The following BMPR2 variants were observed in gnomAD, a reference collection of about 807,000 sequenced individuals.
The protein encoded by BMPR2 is bone morphogenetic protein receptor type 2.
Under a neutral mutation model 100.8 loss-of-function variants are expected in BMPR2, and 29 were observed. That is an observed-to-expected ratio of 0.29 (90% CI 0.21 to 0.39). The LOEUF is 0.39. Ranked by LOEUF, BMPR2 falls within the 10% of genes least tolerant of loss-of-function variation. The pLI, the probability that BMPR2 is intolerant of heterozygous loss-of-function variation, is 1.00. For missense variants in BMPR2, 1,011 were observed against 1,274.5 expected (o/e 0.79, Z 3.15); for synonymous variants, 382 against 442.3 (o/e 0.86, Z 1.71).
intron 10 of BMPR2, 53 bp downstream of exon 10, chr2:202,542,500 A>G: frequency 1.3e-6 from 2 of 1,596,444 alleles, no homozygotes; most frequent in Non-Finnish European, 1.7e-6. Context: ...ATATGTTTTA[A>G]TGTTGTTTGA....
chr2:202,419,871 A>G (rs72925065), intron 1 of BMPR2, among the ~76,000 whole-genome samples: 24,669 of 152,182 alleles, frequency 0.16, 2,396 homozygotes, highest in Middle Eastern at 0.24. Flanking sequence ...CAAGGGGGCC[A>G]GACACAGCGA....
intron 1 of BMPR2, among the ~76,000 whole-genome samples, chr2:202,413,333 T>G (rs576145648): frequency 6.6e-6 from 1 of 152,328 alleles, no homozygotes; most frequent in African/African-American, 2.4e-5. Context: ...TTAGATAATC[T>G]TCAGTCAGTC....
intron 1 of BMPR2, among the ~76,000 whole-genome samples, chr2:202,456,766 C>T (rs921697284): frequency 5.3e-5 from 8 of 152,114 alleles, no homozygotes; most frequent in Non-Finnish European, 1.5e-5. Context: ...TCACCAGCCT[C>T]GGCCTCCTAA....
Position 202,442,014 on chromosome 2 carries a change from C to G in BMPR2, c.77-22795C>G, listed in dbSNP as rs796924348. On this transcript the variant is annotated intron_variant, in intron 1 of 12. Transcript: ENST00000374580. ...CGCCATTGCACTCCAGCCTGGGGGA[C>G]AAGAGCGAGACTTTGTCTCTCAAAA... Among the ~76,000 whole-genome samples, 37 of 147,810 alleles carry G rather than the reference C, an allele frequency of 2.5e-4. 3 individuals are homozygous for G. The highest frequency in any genetic ancestry group is 9.6e-4 in the African/African-American group (37 of 38,514).
intron 3 of BMPR2, among the ~76,000 whole-genome samples, chr2:202,480,190 T>C (rs773057147): frequency 2.6e-5 from 4 of 152,150 alleles, no homozygotes; most frequent in Non-Finnish European, 4.4e-5. Flanking sequence ...TGGAGTGCAG[T>C]GGTGCGATGT....
At chr2:202,394,801 G>A (rs1690626046) in intron 1 of BMPR2, among the ~76,000 whole-genome samples, 1 of 151,946 alleles carries the variant, frequency 6.6e-6, no homozygotes, top group African/African-American at 2.4e-5. Context: ...GCACAGAGAG[G>A]TTAAATAAAT....
chr2:202,541,270 A>G (rs1220354376), intron 9 of BMPR2, among the ~76,000 whole-genome samples: 1 of 151,896 alleles, frequency 6.6e-6, no homozygotes, highest in East Asian at 1.9e-4. Context: ...GCAAGACCTT[A>G]TCTCTACAAA....
At chr2:202,398,571 CAAGTT>C (rs1338832874) in intron 1 of BMPR2, among the ~76,000 whole-genome samples, 1 of 152,158 alleles carries the variant, frequency 6.6e-6, no homozygotes, top group Non-Finnish European at 1.5e-5. Flanking sequence ...AAGGAGAAGG[CAAGTT>C]TGTAACACAC....
At chr2:202,543,430 TA>T (rs1316544859) in intron 10 of BMPR2, among the ~76,000 whole-genome samples, 3 of 151,506 alleles carry the variant, frequency 2.0e-5, no homozygotes, top group Non-Finnish European at 4.4e-5. Flanking sequence ...TTCTGAAGTT[TA>T]TTTTTTTACT....
rs191412756 is a variant in BMPR2 at position 202,503,656 on chromosome 2, C to G, written c.419-10063C>G. On this transcript the variant is annotated intron_variant, in intron 3 of 12. Coordinates refer to ENST00000374580, the MANE Select transcript of BMPR2 (RefSeq NM_001204.7). This position sits in a 1 kb window ranked among gnomAD's most constrained non-coding sequence, Gnocchi z 4.0. ...CCCGCCATGCCTGAGCCTCCCACCC[C>G]CTCCATGGGCCCCTGTGCGGCCCGA... Among the ~76,000 whole-genome samples, 530 of 152,332 alleles carry G rather than the reference C, an allele frequency of 3.5e-3. 2 individuals carry two copies. Among genetic ancestry groups the G allele is most frequent in the Non-Finnish European group, 5.7e-3 (387 of 68,026 alleles).
rs1688678435 is a variant in BMPR2, at chr2:202,561,487, T to A, written c.*1541T>A. ...AAATAAAGCACTTTCTGTCAAATAA[T>A]GGACTTTTTTCTAAACAGAAATTAT... On this transcript the variant is annotated 3_prime_UTR_variant, in exon 13 of 13. Coordinates refer to ENST00000374580, the MANE Select transcript of BMPR2 (RefSeq NM_001204.7). 2 of 152,092 alleles carry A rather than the reference T, an allele frequency of 1.3e-5. No individual in the cohort carries two copies. Among genetic ancestry groups the A allele is most frequent in the South Asian group, 4.1e-4 (2 of 4,822 alleles). 9.4% of individuals were successfully genotyped at this position (152,092 alleles called of 1,614,324 possible). A position where few individuals can be genotyped will look rare whatever the true frequency, so the allele number is the denominator to read the frequency against.
intron 3 of BMPR2, among the ~76,000 whole-genome samples, chr2:202,471,115 G>A (rs1358591775): frequency 6.6e-6 from 1 of 152,170 alleles, no homozygotes; most frequent in African/African-American, 2.4e-5. Context: ...ATGGAGACTT[G>A]TCATAAGGAC....
intron 12 of BMPR2, 123 bp downstream of exon 12, chr2:202,556,654 G>T: frequency 7.9e-7 from 1 of 1,273,804 alleles, no homozygotes; most frequent in Non-Finnish European, 1.1e-6. Context: ...TTTTGTAAAT[G>T]ATCCATTTGA....
intron 1 of BMPR2, among the ~76,000 whole-genome samples, chr2:202,419,818 C>T (rs751038402): frequency 1.2e-4 from 18 of 152,006 alleles, no homozygotes; most frequent in Admixed American, 2.0e-4. Flanking sequence ...TGCTTTTCCC[C>T]GAAAAGCAAT....
In BMPR2 at chr2:202,548,399, C is replaced by CCTGTGAAT. The variant is rs563003755; in HGVS notation, c.1414-4317_1414-4316insCTGTGAAT. On this transcript the variant is annotated intron_variant, in intron 10 of 12. Transcript: ENST00000374580. ...CCTAGGAATGTGAAGCTGTAGTACACAATGATCCCACCTGTGAATAACCAC... is the reference window on the plus strand; with the variant it reads ...CCTAGGAATGTGAAGCTGTAGTACACCTGTGAATAATGATCCCACCTGTGAATAACCAC... Among the ~76,000 whole-genome samples, 37 of 152,016 alleles carry CCTGTGAAT rather than the reference C, an allele frequency of 2.4e-4. 1 individual carries two copies. The East Asian group carries it at 7.2e-3, about 29-fold the overall frequency.
chr2:202,410,048 G>A lies in BMPR2; in HGVS notation c.76+32498G>A, dbSNP rs569272124. Among the ~76,000 whole-genome samples, 9 of 151,754 alleles carry A rather than the reference G, an allele frequency of 5.9e-5. No homozygotes were observed. In the East Asian group the frequency reaches 1.7e-3, roughly 29 times the overall value. The stretch of plus-strand genomic sequence containing the variant: ...CGCCCAGGCTGGAGTGCAGTGGCAC[G>A]GTCTTGGCTTACTGCACTCTCCACC... On this transcript the variant is annotated intron_variant, in intron 1 of 12. Coordinates refer to ENST00000374580, the MANE Select transcript of BMPR2 (RefSeq NM_001204.7).
At chr2:202,479,705 C>T (rs1574469967) in intron 3 of BMPR2, among the ~76,000 whole-genome samples, 2 of 152,170 alleles carry the variant, frequency 1.3e-5, no homozygotes, top group East Asian at 3.9e-4. Context: ...TTTATTCTTT[C>T]CTCCCAACTT....
chr2:202,506,647 T>A (rs1408067806), intron 3 of BMPR2, among the ~76,000 whole-genome samples: 1 of 152,014 alleles, frequency 6.6e-6, no homozygotes, highest in Non-Finnish European at 1.5e-5. Flanking sequence ...ACACCTGTAA[T>A]CCCAGCAGTT....
Position 202,557,359 on chromosome 2 carries a change from A to G in BMPR2, c.2866+828A>G, listed in dbSNP as rs1460267684. 3.3e-5 allele frequency among the ~76,000 whole-genome samples: 5 copies of G among 151,930 alleles called. No homozygotes were observed. The South Asian group carries it at 1.0e-3, about 32-fold the overall frequency. ...GGCACCTGTAATCCCAGCTACTCGG[A>G]AGGCTGAGGCAGAGAATTGCTTGAA... On this transcript the variant is annotated intron_variant, in intron 12 of 12. Coordinates refer to ENST00000374580, the MANE Select transcript of BMPR2 (RefSeq NM_001204.7).
Sources: gnomAD v4.1 joint callset for allele counts (sites outside exome capture counted in the v4.1 genomes callset) on GRCh38, gnomAD v4.1.1 for gene constraint, Gnocchi (gnomAD v3.1) non-coding constraint, MANE v1.5 for transcripts, NCBI Gene and HGNC (gene_info 2026-07-23, HGNC 2026-07-21) for gene names.